The following TMEM163 variants were observed in gnomAD, a reference collection of about 807,000 sequenced individuals.
The protein encoded by TMEM163 is transmembrane protein 163.
TMEM163 carries 17 observed loss-of-function variants against 29.3 expected under a neutral mutation model. The observed-to-expected ratio is 0.58, with a 90% confidence interval of 0.40 to 0.87. The LOEUF is 0.87. Ranked by LOEUF, TMEM163 falls within the 40% of genes least tolerant of loss-of-function variation. TMEM163 has a pLI of 0.00. For missense variants in TMEM163, 303 were observed against 381.5 expected (o/e 0.79, Z 1.71); for synonymous variants, 157 against 160.6 (o/e 0.98, Z 0.17).
chr2:134,623,531 G>A (rs1416778577), intron 2 of TMEM163, among the ~76,000 whole-genome samples: 1 of 152,174 alleles, frequency 6.6e-6, no homozygotes, highest in Non-Finnish European at 1.5e-5. Flanking sequence ...ACTTTGAGAG[G>A]CTGAGGCGGG....
chr2:134,673,939 TTAC>T (rs1334619961), intron 2 of TMEM163, among the ~76,000 whole-genome samples: 1 of 152,202 alleles, frequency 6.6e-6, no homozygotes, highest in African/African-American at 2.4e-5. Context: ...CTAATACAAA[TTAC>T]TATACGGAAT....
In TMEM163 at chr2:134,541,459, C is replaced by T. The variant is rs149076366; in HGVS notation, c.458+9111G>A. Among the ~76,000 whole-genome samples, 503 of 152,306 alleles carry T rather than the reference C, an allele frequency of 3.3e-3. 6 individuals carry two copies. The highest frequency in any genetic ancestry group is 0.012 in the African/African-American group (485 of 41,570). On this transcript the variant is annotated intron_variant, in intron 4 of 7. Coordinates refer to ENST00000281924, the MANE Select transcript of TMEM163 (RefSeq NM_030923.5). ...ATGTAAGCATTTTCTTTGACCCAGA[C>T]TTCTAGTAATTTATCCTAAAGAAAT...
At chr2:134,709,106 T>G (rs1684874698) in intron 2 of TMEM163, among the ~76,000 whole-genome samples, 2 of 152,178 alleles carry the variant, frequency 1.3e-5, no homozygotes, top group Non-Finnish European at 2.9e-5. Flanking sequence ...AACAAAGATA[T>G]CAGTGATGTC....
intron 2 of TMEM163, among the ~76,000 whole-genome samples, chr2:134,593,451 G>T (rs546095342): frequency 2.0e-5 from 3 of 152,136 alleles, no homozygotes; most frequent in Non-Finnish European, 4.4e-5. Context: ...ATTAACATGC[G>T]CCAGGAAGGA....
intron 2 of TMEM163, among the ~76,000 whole-genome samples, chr2:134,583,398 T>C (rs1681740657): frequency 6.6e-6 from 1 of 152,132 alleles, no homozygotes; most frequent in Admixed American, 6.5e-5. Flanking sequence ...CGCTTTGTAT[T>C]TGTCACTTAC....
At chr2:134,457,000 C>T (rs189510304) in intron 7 of TMEM163, among the ~76,000 whole-genome samples, 2 of 152,238 alleles carry the variant, frequency 1.3e-5, no homozygotes, top group Non-Finnish European at 2.9e-5. Context: ...GAGAAGTACC[C>T]TCCTTCTGGC....
intron 2 of TMEM163, among the ~76,000 whole-genome samples, chr2:134,643,868 A>G (rs1346718508): frequency 6.6e-6 from 1 of 152,078 alleles, no homozygotes; most frequent in Non-Finnish European, 1.5e-5. Context: ...GAAAATCTCA[A>G]GGAATCTTCA....
At chr2:134,649,899 G>A (rs908076732) in intron 2 of TMEM163, among the ~76,000 whole-genome samples, 29 of 151,492 alleles carry the variant, frequency 1.9e-4, no homozygotes, top group African/African-American at 6.6e-4. Flanking sequence ...CCAGCTACTT[G>A]GGTGGCTGAA....
At chr2:134,541,849 T>C (rs1427306547) in intron 4 of TMEM163, among the ~76,000 whole-genome samples, 1 of 152,168 alleles carries the variant, frequency 6.6e-6, no homozygotes, top group Non-Finnish European at 1.5e-5. Context: ...CGGTTATCCC[T>C]GGAAGTCCCC....
At chr2:134,635,585 C>G (rs760902708) in intron 2 of TMEM163, among the ~76,000 whole-genome samples, 6 of 152,116 alleles carry the variant, frequency 3.9e-5, no homozygotes, top group Non-Finnish European at 7.3e-5. Flanking sequence ...AGAGGAGACA[C>G]AAAGACAAAT....
chr2:134,614,176 A>G (rs1318901226), intron 2 of TMEM163, among the ~76,000 whole-genome samples: 2 of 152,192 alleles, frequency 1.3e-5, no homozygotes, highest in African/African-American at 4.8e-5. Context: ...CTATAAAAAT[A>G]TGTTCAATTA....
intron 2 of TMEM163, among the ~76,000 whole-genome samples, chr2:134,662,644 A>G (rs987033512): frequency 4.6e-5 from 7 of 152,220 alleles, no homozygotes; most frequent in Non-Finnish European, 8.8e-5. Flanking sequence ...TCTCCTAGGA[A>G]GGAAGAAAAG....
chr2:134,659,527 G>T (rs1683701720), intron 2 of TMEM163, among the ~76,000 whole-genome samples: 1 of 152,106 alleles, frequency 6.6e-6, no homozygotes. Context: ...TCCTCACTGG[G>T]ATGTACCATC....
chr2:134,635,723 G>A (rs1395160101), intron 2 of TMEM163, among the ~76,000 whole-genome samples: 2 of 152,284 alleles, frequency 1.3e-5, no homozygotes, highest in East Asian at 1.9e-4. Context: ...CAGCTTCAGA[G>A]AGCAGAGGGT....
At chr2:134,701,687 A>C (rs1246144199) in intron 2 of TMEM163, among the ~76,000 whole-genome samples, 2 of 152,134 alleles carry the variant, frequency 1.3e-5, no homozygotes, top group Non-Finnish European at 2.9e-5. Context: ...AGGTGGGCGG[A>C]TTACTTGAGG....
chr2:134,700,942 A>ATAATTAAATAAT (rs544740176), intron 2 of TMEM163, among the ~76,000 whole-genome samples: 5 of 119,354 alleles, frequency 4.2e-5, no homozygotes, highest in South Asian at 2.4e-4. Context: ...AAATAAATAA[A>ATAATTAAATAAT]TAAATAAAGT....
chr2:134,585,541 G>C (rs1447919131), intron 2 of TMEM163, among the ~76,000 whole-genome samples: 3 of 152,154 alleles, frequency 2.0e-5, no homozygotes, highest in African/African-American at 7.2e-5. Flanking sequence ...AAGAGATAGA[G>C]ACCATCCTGG....
intron 2 of TMEM163, among the ~76,000 whole-genome samples, chr2:134,592,004 A>G (rs57736599): frequency 0.064 from 9,805 of 152,206 alleles, 593 homozygotes; most frequent in African/African-American, 0.15. Flanking sequence ...AAGAGGTCCC[A>G]AGAATTGGTT....
chr2:134,646,665 G>A (rs1027230268), intron 2 of TMEM163, among the ~76,000 whole-genome samples: 5 of 148,960 alleles, frequency 3.4e-5, no homozygotes, highest in Admixed American at 2.0e-4. Flanking sequence ...GGTTGATCTC[G>A]AACTCCTGAC....
Sources: allele counts gnomAD v4.1 joint callset (sites outside exome capture counted in the v4.1 genomes callset), GRCh38; gene constraint gnomAD v4.1.1; transcripts MANE v1.5; gene names NCBI Gene and HGNC (gene_info 2026-07-23, HGNC 2026-07-21).